Variants in SND1 observed in about 807,000 individuals in gnomAD.
SND1 encodes the protein staphylococcal nuclease and tudor domain containing 1, also known as staphylococcal nuclease domain-containing protein 1.
A neutral mutation model predicts 121.7 loss-of-function variants in SND1; 38 were observed. That is an observed-to-expected ratio of 0.31 (90% CI 0.24 to 0.41). The LOEUF is 0.41. Among genes scored for constraint, SND1 ranks in the 10% least tolerant of loss-of-function variants. SND1 has a pLI of 1.00. For synonymous variants in SND1, 401 were observed against 447.4 expected (o/e 0.90, Z 1.31); for missense variants, 868 against 1,184.6 (o/e 0.73, Z 3.92).
intron 11 of SND1, among the ~76,000 whole-genome samples, chr7:127,808,870 C>G (rs1798287218): frequency 1.3e-5 from 2 of 152,314 alleles, no homozygotes; most frequent in South Asian, 4.1e-4. Context: ...TAAACAGTTG[C>G]TTACAGATAG....
chr7:127,655,543 G>A (rs1171233357), intron 1 of SND1, among the ~76,000 whole-genome samples: 1 of 152,176 alleles, frequency 6.6e-6, no homozygotes, highest in African/African-American at 2.4e-5. Context: ...TTCTGAGTTG[G>A]GATGAGACTA....
chr7:127,870,178 G>A (rs1031316993), intron 12 of SND1, among the ~76,000 whole-genome samples: 1 of 152,104 alleles, frequency 6.6e-6, no homozygotes, highest in South Asian at 2.1e-4. Context: ...ATAATTTTTT[G>A]GTGAGAGGAC....
intron 11 of SND1, among the ~76,000 whole-genome samples, chr7:127,827,515 G>A (rs1278656688): frequency 6.6e-6 from 1 of 152,026 alleles, no homozygotes; most frequent in African/African-American, 2.4e-5. Flanking sequence ...CTCTTGTATT[G>A]TCATTGTAGA....
intron 10 of SND1, among the ~76,000 whole-genome samples, chr7:127,732,353 G>T (rs1796694194): frequency 6.6e-6 from 1 of 152,134 alleles, no homozygotes; most frequent in Non-Finnish European, 1.5e-5. Flanking sequence ...TGTAAACTTG[G>T]GTTTGAATGA....
At chr7:127,899,717 A>G (rs941586651) in intron 13 of SND1, among the ~76,000 whole-genome samples, 12 of 152,126 alleles carry the variant, frequency 7.9e-5, no homozygotes, top group East Asian at 5.8e-4. Context: ...GTGGTGTGCA[A>G]TATTCAGTCA....
At chr7:127,849,927 T>A (rs903177400) in intron 12 of SND1, among the ~76,000 whole-genome samples, 1 of 152,192 alleles carries the variant, frequency 6.6e-6, no homozygotes, top group Non-Finnish European at 1.5e-5. Flanking sequence ...GATAATTCTT[T>A]CCCATGCAGC....
intron 10 of SND1, among the ~76,000 whole-genome samples, chr7:127,762,480 C>T (rs564356907): frequency 1.1e-4 from 17 of 152,194 alleles, no homozygotes; most frequent in Non-Finnish European, 1.0e-4. Flanking sequence ...TTAGGACCCA[C>T]TGTAATGGCC....
chr7:127,690,260 A>G (rs1328599612), intron 2 of SND1, among the ~76,000 whole-genome samples: 1 of 152,128 alleles, frequency 6.6e-6, no homozygotes, highest in African/African-American at 2.4e-5. Context: ...GACAAATCTA[A>G]ATGCCTTAGC....
chr7:127,781,353 C>T (rs1797716586), intron 10 of SND1, among the ~76,000 whole-genome samples: 1 of 152,198 alleles, frequency 6.6e-6, no homozygotes, highest in Non-Finnish European at 1.5e-5. Flanking sequence ...AAGCTGCCTT[C>T]ACTATGTGGC....
chr7:127,857,296 C>A (rs1467797093), intron 12 of SND1, among the ~76,000 whole-genome samples: 1 of 145,234 alleles, frequency 6.9e-6, no homozygotes, highest in Non-Finnish European at 1.5e-5. Flanking sequence ...AGGTTCACAC[C>A]ATTCTCCTGC....
chr7:127,690,433 C>T (rs997864158), intron 2 of SND1, among the ~76,000 whole-genome samples: 8 of 152,348 alleles, frequency 5.3e-5, no homozygotes, highest in South Asian at 2.1e-4. Context: ...GTAGTTCCTT[C>T]GCCACCTCTG....
At chr7:128,027,843 C>T (rs909593204) in intron 16 of SND1, 2 of 152,166 alleles carry the variant, frequency 1.3e-5, no homozygotes, top group Admixed American at 6.5e-5. Context: ...GGGCCTCCTC[C>T]TCCTGGGAAA....
chr7:127,844,729 A>G (rs1799026176), intron 12 of SND1, among the ~76,000 whole-genome samples: 1 of 152,226 alleles, frequency 6.6e-6, no homozygotes, highest in African/African-American at 2.4e-5. Context: ...GGCCCTAGAT[A>G]CTGTCTAAAA....
chr7:127,981,287 T>G (rs1436094300), intron 15 of SND1, among the ~76,000 whole-genome samples: 1 of 152,182 alleles, frequency 6.6e-6, no homozygotes, highest in Non-Finnish European at 1.5e-5. Context: ...AAAAAAAATT[T>G]TTGAAAGGCA....
intron 13 of SND1, among the ~76,000 whole-genome samples, chr7:127,895,834 C>T (rs1004158442): frequency 6.6e-6 from 1 of 152,076 alleles, no homozygotes; most frequent in African/African-American, 2.4e-5. Context: ...ATAGTTTTCT[C>T]CTTCAGGATA....
At chr7:127,818,719 G>T (rs996284284) in intron 11 of SND1, among the ~76,000 whole-genome samples, 2 of 152,140 alleles carry the variant, frequency 1.3e-5, no homozygotes, top group African/African-American at 4.8e-5. Context: ...TGCACAGGGT[G>T]GGCAGTGAAA....
At chr7:127,904,594 G>A in intron 13 of SND1, 153 bp from the exon 14 acceptor site, 1 of 541,106 alleles carries the variant, frequency 1.8e-6, no homozygotes, top group Admixed American at 2.9e-5. Flanking sequence ...AAATCCTCTT[G>A]CACAGACTGG....
chr7:127,662,980 T>A (rs986314218), intron 1 of SND1, among the ~76,000 whole-genome samples: 1 of 141,960 alleles, frequency 7.0e-6, no homozygotes. Flanking sequence ...AGCCTCAACC[T>A]CCCAGGCTCA....
At chr7:127,838,825 T>C (rs976910007) in intron 11 of SND1, among the ~76,000 whole-genome samples, 2 of 152,232 alleles carry the variant, frequency 1.3e-5, no homozygotes, top group South Asian at 4.1e-4. Flanking sequence ...TGTGTTTATC[T>C]CATGGATACT....
Sources: allele counts gnomAD v4.1 joint callset (sites outside exome capture counted in the v4.1 genomes callset), GRCh38; gene constraint gnomAD v4.1.1; transcripts MANE v1.5; gene names NCBI Gene and HGNC (gene_info 2026-07-23, HGNC 2026-07-21).